FBXL7: variants seen among roughly 807,000 people sequenced by gnomAD.
FBXL7 encodes F-box/LRR-repeat protein 7.
A neutral mutation model predicts 38.3 loss-of-function variants in FBXL7; 12 were observed. That is an observed-to-expected ratio of 0.31 (90% CI 0.20 to 0.51). The LOEUF (loss-of-function observed/expected upper bound fraction) is 0.51. Ranked by LOEUF, FBXL7 falls within the 20% of genes least tolerant of loss-of-function variation. FBXL7 has a pLI of 0.98. For synonymous variants in FBXL7, 297 were observed against 300.9 expected (o/e 0.99, Z 0.13); for missense variants, 567 against 676.4 (o/e 0.84, Z 1.79).
intron 1 of FBXL7, among the ~76,000 whole-genome samples, chr5:15,526,334 C>T (rs183811335): frequency 6.6e-5 from 10 of 152,182 alleles, no homozygotes; most frequent in East Asian, 1.9e-4. Flanking sequence ...TTACCTCACT[C>T]GCTTCTCAAC....
chr5:15,738,436 T>C (rs1735812352), intron 2 of FBXL7, among the ~76,000 whole-genome samples: 2 of 152,198 alleles, frequency 1.3e-5, no homozygotes, highest in African/African-American at 4.8e-5. Flanking sequence ...ATGTGGTATG[T>C]TAGCTTTACT....
At position 15,912,249 on chromosome 5, in the gene FBXL7, C is replaced by A. The variant is rs866527802; in HGVS notation, c.128-15641C>A. Among the ~76,000 whole-genome samples, 476 of 87,974 alleles carry A rather than the reference C, an allele frequency of 5.4e-3. 7 individuals are homozygous for A. Among genetic ancestry groups the A allele is most frequent in the African/African-American group, 0.023 (440 of 18,906 alleles). The allele number at this position is 87,974 out of a possible 152,430, so 57.7% of individuals were successfully genotyped here. On this transcript the variant is annotated intron_variant, in intron 2 of 3. Transcript: ENST00000504595. Reference sequence around the variant, plus strand: ...GTGGTGCGCCGTTTCTTAAGCCGGTCTGAAAAGCGCAATATTCGGGTGGGA... The same window carrying A: ...GTGGTGCGCCGTTTCTTAAGCCGGTATGAAAAGCGCAATATTCGGGTGGGA...
At chr5:15,662,237 C>G (rs1003636665) in intron 2 of FBXL7, among the ~76,000 whole-genome samples, 2 of 152,162 alleles carry the variant, frequency 1.3e-5, no homozygotes, top group Non-Finnish European at 2.9e-5. Flanking sequence ...TTGCATTTCT[C>G]TAATGATCAG....
chr5:15,932,761 C>T (rs1289671715), intron 3 of FBXL7, among the ~76,000 whole-genome samples: 1 of 152,142 alleles, frequency 6.6e-6, no homozygotes, highest in Non-Finnish European at 1.5e-5. Context: ...CACATCTATG[C>T]ATCCAAATTA....
chr5:15,541,463 A>ATG (rs1470112457), intron 1 of FBXL7, among the ~76,000 whole-genome samples: 2 of 123,740 alleles, frequency 1.6e-5, no homozygotes, highest in African/African-American at 6.0e-5. Flanking sequence ...ATATATATAT[A>ATG]TATATATATA....
rs113699464 is a variant in FBXL7 at position 15,871,274 on chromosome 5, A to G, written c.128-56616A>G. Among the ~76,000 whole-genome samples the G allele has an allele frequency of 5.1e-3, 772 of 152,296 alleles. 11 individuals are homozygous for G. The highest frequency in any genetic ancestry group is 0.018 in the African/African-American group (732 of 41,564). On this transcript the variant is annotated intron_variant, in intron 2 of 3. Coordinates refer to ENST00000504595, the MANE Select transcript of FBXL7 (RefSeq NM_012304.5). ...CATCAACATCAACAAAAAGGATGAC[A>G]ATGCAAAAGCTCCATCCAAAGGTCA... is the stretch of plus-strand genomic sequence containing the variant.
intron 1 of FBXL7, among the ~76,000 whole-genome samples, chr5:15,602,805 T>C (rs533313579): frequency 1.3e-5 from 2 of 152,280 alleles, no homozygotes; most frequent in South Asian, 4.2e-4. Flanking sequence ...AAGGATCCCA[T>C]TTTGAAACTA....
chr5:15,650,453 A>T (rs957003013), intron 2 of FBXL7, among the ~76,000 whole-genome samples: 6 of 152,200 alleles, frequency 3.9e-5, no homozygotes, highest in Non-Finnish European at 8.8e-5. Flanking sequence ...CTGCTGACTC[A>T]TCAGGGTGGT....
intron 2 of FBXL7, among the ~76,000 whole-genome samples, chr5:15,651,599 G>T (rs1741711836): frequency 6.6e-6 from 1 of 152,138 alleles, no homozygotes; most frequent in South Asian, 2.1e-4. Context: ...CAACAATGGG[G>T]TTAAAATATT....
At chr5:15,558,070 G>A (rs1404827720) in intron 1 of FBXL7, among the ~76,000 whole-genome samples, 3 of 152,112 alleles carry the variant, frequency 2.0e-5, no homozygotes, top group African/African-American at 7.2e-5. Context: ...TTTGGAAATG[G>A]TGGTGATCTT....
At chr5:15,927,349 A>C (rs1056767886) in intron 2 of FBXL7, among the ~76,000 whole-genome samples, 1 of 152,058 alleles carries the variant, frequency 6.6e-6, no homozygotes, top group African/African-American at 2.4e-5. Flanking sequence ...ACCACAGGGA[A>C]TTGTTGCTTT....
chr5:15,673,720 T>C (rs1323149830), intron 2 of FBXL7, among the ~76,000 whole-genome samples: 1 of 152,148 alleles, frequency 6.6e-6, no homozygotes, highest in African/African-American at 2.4e-5. Flanking sequence ...CCCCTATGAG[T>C]ATCCCCAAGC....
Position 15,781,458 on chromosome 5 carries a change from T to C in FBXL7, c.128-146432T>C, listed in dbSNP as rs113503152. Among the ~76,000 whole-genome samples, 36 of 149,156 alleles carry C rather than the reference T, an allele frequency of 2.4e-4. 1 individual carries two copies. Among genetic ancestry groups the C allele is most frequent in the East Asian group, 2.2e-3 (11 of 4,974 alleles). Reference sequence around the variant, plus strand: ...GTGTGTGTGTGTGTGTGCGCGCGCGTGTGTGTGTGTGTTGAGTGTGTAGTA... The same window carrying C: ...GTGTGTGTGTGTGTGTGCGCGCGCGCGTGTGTGTGTGTTGAGTGTGTAGTA... On this transcript the variant is annotated intron_variant, in intron 2 of 3. Coordinates refer to ENST00000504595, the MANE Select transcript of FBXL7 (RefSeq NM_012304.5).
chr5:15,757,782 A>T (rs1736336555), intron 2 of FBXL7, among the ~76,000 whole-genome samples: 1 of 152,128 alleles, frequency 6.6e-6, no homozygotes, highest in African/African-American at 2.4e-5. Flanking sequence ...TTGTGCACTT[A>T]AGGTACTCCA....
At chr5:15,655,691 C>T (rs1358223115) in intron 2 of FBXL7, among the ~76,000 whole-genome samples, 1 of 152,122 alleles carries the variant, frequency 6.6e-6, no homozygotes, top group Non-Finnish European at 1.5e-5. Flanking sequence ...GATGTGTTAG[C>T]CATTTCTTGC....
At chr5:15,887,742 T>G (rs899241010) in intron 2 of FBXL7, among the ~76,000 whole-genome samples, 7 of 152,234 alleles carry the variant, frequency 4.6e-5, no homozygotes, top group Non-Finnish European at 1.0e-4. Flanking sequence ...ATACAGCCCT[T>G]TTATGGAAAC....
At chr5:15,627,257 G>A (rs755721432) in intron 2 of FBXL7, among the ~76,000 whole-genome samples, 3 of 152,180 alleles carry the variant, frequency 2.0e-5, no homozygotes, top group African/African-American at 4.8e-5. Context: ...CATTCAGGGC[G>A]GGATAAAATT....
intron 2 of FBXL7, among the ~76,000 whole-genome samples, chr5:15,922,015 TA>T (rs1166551311): frequency 6.6e-6 from 1 of 152,120 alleles, no homozygotes; most frequent in Admixed American, 6.5e-5. Flanking sequence ...AGCTCGTAAA[TA>T]TATGTGCATT....
At chr5:15,699,246 A>G (rs988226002) in intron 2 of FBXL7, among the ~76,000 whole-genome samples, 3 of 152,206 alleles carry the variant, frequency 2.0e-5, no homozygotes, top group African/African-American at 7.2e-5. Context: ...GGCTTAAAAC[A>G]AAATAAATGT....
Sources: gnomAD v4.1 joint callset for allele counts (sites outside exome capture counted in the v4.1 genomes callset) on GRCh38, gnomAD v4.1.1 for gene constraint, MANE v1.5 for transcripts, NCBI Gene and HGNC (gene_info 2026-07-23, HGNC 2026-07-21) for gene names.